CTXND1: variants seen among roughly 807,000 people sequenced by gnomAD.
CTXND1 encodes the protein cortexin domain-containing 1 protein.
At chr15:80,225,157 C>G (rs1213063050) in intron 1 of CTXND1, among the ~76,000 whole-genome samples, 2 of 152,144 alleles carry the variant, frequency 1.3e-5, no homozygotes, top group African/African-American at 4.8e-5. Context: ...AACTTTAAAA[C>G]TATTGATTCA....
At chr15:80,221,096 A>G (rs1893311677) in intron 1 of CTXND1, among the ~76,000 whole-genome samples, 1 of 151,964 alleles carries the variant, frequency 6.6e-6, no homozygotes, top group South Asian at 2.1e-4. Flanking sequence ...TTTTTAGTAG[A>G]GACGGGGTTT....
rs1365794812 is a variant in CTXND1, at chr15:80,197,171, C to T, written c.*4599G>A. 2.0e-5 allele frequency: 3 copies of T among 152,236 alleles called. No individual in the cohort carries two copies. Among genetic ancestry groups the T allele is most frequent in the Non-Finnish European group, 4.4e-5 (3 of 68,080 alleles). 9.4% of individuals were successfully genotyped at this position (152,236 alleles called of 1,614,324 possible). ...TCCTGGACTCAAGTGATCCTCCCAC[C>T]TCAGACTCCTGAGTAGCTGGGACTA... On this transcript the variant is annotated 3_prime_UTR_variant, in exon 3 of 3. Transcript: ENST00000560778.
At chr15:80,242,641 A>T (rs1319154457) in intron 1 of CTXND1, among the ~76,000 whole-genome samples, 2 of 152,216 alleles carry the variant, frequency 1.3e-5, no homozygotes, top group Non-Finnish European at 2.9e-5. Flanking sequence ...TGGGCTGCAG[A>T]CTGGCTTTAT....
intron 1 of CTXND1, among the ~76,000 whole-genome samples, chr15:80,228,752 C>A (rs1893398658): frequency 1.3e-5 from 2 of 151,676 alleles, no homozygotes; most frequent in African/African-American, 4.9e-5. Flanking sequence ...CCTCAGCCTC[C>A]CGAGTAGCTG....
chr15:80,229,848 C>A (rs1893409801), intron 1 of CTXND1, among the ~76,000 whole-genome samples: 2 of 152,032 alleles, frequency 1.3e-5, no homozygotes, highest in Admixed American at 1.3e-4. Context: ...TAAAAAATCC[C>A]TTTTTATGTT....
intron 1 of CTXND1, among the ~76,000 whole-genome samples, chr15:80,204,169 A>AAAAATAT (rs1555443860): frequency 1.5e-5 from 1 of 65,192 alleles, no homozygotes; most frequent in Non-Finnish European, 2.4e-5. Context: ...AAAAAAAAAA[A>AAAAATAT]ATATATATAT....
intron 1 of CTXND1, among the ~76,000 whole-genome samples, chr15:80,242,843 A>G (rs966127594): frequency 9.2e-5 from 14 of 152,062 alleles, no homozygotes; most frequent in African/African-American, 3.1e-4. Context: ...ACCACTCCCT[A>G]TGGCTCAGAC....
Position 80,203,736 on chromosome 15 carries a change from T to G in CTXND1, c.-213A>C, listed in dbSNP as rs747193485. ...GTGCTGGCTCGTGGGGGCGCTGGAG[T>G]GTGACTGTAAGAGAAAGAGACAAAG... On this transcript the variant is annotated 5_prime_UTR_variant, in exon 2 of 3. Transcript: ENST00000560778. 6.6e-6 allele frequency: 1 copy of G among 151,662 alleles called. No homozygotes were observed. The allele number at this position is 151,662 out of a possible 1,614,324, so 9.4% of individuals were successfully genotyped here. A position where few individuals can be genotyped will look rare whatever the true frequency, so the allele number is the denominator to read the frequency against.
At chr15:80,220,127 T>TATC (rs1401057433) in intron 1 of CTXND1, among the ~76,000 whole-genome samples, 1 of 113,322 alleles carries the variant, frequency 8.8e-6, no homozygotes, top group African/African-American at 3.5e-5. Context: ...TCTATCTATC[T>TATC]ATCTATCTAT....
intron 1 of CTXND1, among the ~76,000 whole-genome samples, chr15:80,225,997 G>A (rs1893367506): frequency 1.3e-5 from 2 of 152,184 alleles, no homozygotes; most frequent in South Asian, 2.1e-4. Flanking sequence ...TCCATGGGCA[G>A]GGTTTATCCT....
intron 1 of CTXND1, among the ~76,000 whole-genome samples, chr15:80,234,971 G>T (rs1485108591): frequency 6.9e-6 from 1 of 145,342 alleles, no homozygotes; most frequent in Non-Finnish European, 1.5e-5. Context: ...GCAGGCTGAG[G>T]TTCGGTCCCC....
intron 1 of CTXND1, among the ~76,000 whole-genome samples, chr15:80,237,354 AAAAG>A (rs1893513857): frequency 6.6e-6 from 1 of 151,452 alleles, no homozygotes; most frequent in African/African-American, 2.4e-5. Flanking sequence ...AAAAAAAAAA[AAAAG>A]AAAGAAAAAG....
chr15:80,209,158 T>A (rs983974270), intron 1 of CTXND1, among the ~76,000 whole-genome samples: 1 of 152,208 alleles, frequency 6.6e-6, no homozygotes, highest in Non-Finnish European at 1.5e-5. Flanking sequence ...GGATTATCAC[T>A]GTCTCCTGGA....
intron 1 of CTXND1, among the ~76,000 whole-genome samples, chr15:80,238,737 A>C (rs1333159868): frequency 3.3e-5 from 5 of 152,074 alleles, no homozygotes; most frequent in African/African-American, 1.2e-4. Context: ...GGCCTCCCAA[A>C]GTGCTGGGAT....
chr15:80,235,688 G>A (rs1287468875), intron 1 of CTXND1, among the ~76,000 whole-genome samples: 1 of 151,874 alleles, frequency 6.6e-6, no homozygotes, highest in East Asian at 1.9e-4. Context: ...GTGTAGTTCT[G>A]TAGTTATGAC....
At chr15:80,208,727 G>A (rs1248704346) in intron 1 of CTXND1, among the ~76,000 whole-genome samples, 1 of 152,166 alleles carries the variant, frequency 6.6e-6, no homozygotes, top group Non-Finnish European at 1.5e-5. Context: ...CTTGGACCAT[G>A]CTTTGAAAAC....
chr15:80,226,265 C>T lies in CTXND1; in HGVS notation c.-217-22525G>A, dbSNP rs1028018062. On this transcript the variant is annotated intron_variant, in intron 1 of 2. Coordinates refer to ENST00000560778, the MANE Select transcript of CTXND1 (RefSeq NM_001352888.2). The stretch of plus-strand genomic sequence containing the variant: ...AGCTTTATGAAGACTTTCTTTTGTT[C>T]GCTAATGTCCATAAGTCAACCTGCC... Among the ~76,000 whole-genome samples, 20 of 152,260 alleles carry T rather than the reference C, an allele frequency of 1.3e-4. 1 individual carries two copies. Among genetic ancestry groups the T allele is most frequent in the Admixed American group, 7.8e-4 (12 of 15,298 alleles).
intron 1 of CTXND1, among the ~76,000 whole-genome samples, chr15:80,224,194 T>C (rs1467246582): frequency 6.6e-6 from 1 of 152,138 alleles, no homozygotes; most frequent in Non-Finnish European, 1.5e-5. Context: ...GTGCCAGATA[T>C]GCAAGTGAAG....
intron 1 of CTXND1, among the ~76,000 whole-genome samples, chr15:80,241,566 A>T (rs558568026): frequency 3.9e-5 from 6 of 152,330 alleles, no homozygotes; most frequent in African/African-American, 1.4e-4. Context: ...CCATGAGGGC[A>T]GGGGCCCCCA....
Sources: gnomAD v4.1 joint callset for allele counts (sites outside exome capture counted in the v4.1 genomes callset) on GRCh38, gnomAD v4.1.1 for gene constraint, MANE v1.5 for transcripts, NCBI Gene and HGNC (gene_info 2026-07-23, HGNC 2026-07-21) for gene names.